The following ZC3H12B variants were observed in gnomAD, a reference collection of about 807,000 sequenced individuals.
ZC3H12B encodes the protein probable ribonuclease ZC3H12B.
A neutral mutation model predicts 43.9 loss-of-function variants in ZC3H12B; 7 were observed. That is an observed-to-expected ratio of 0.16 (90% CI 0.09 to 0.30). The LOEUF is 0.30. Among genes scored for constraint, ZC3H12B ranks in the 10% least tolerant of loss-of-function variants. The probability of loss-of-function intolerance (pLI) is 1.00; values close to 1 mark genes in which losing one functional copy is unlikely to be tolerated. For synonymous variants in ZC3H12B, 222 were observed against 241.7 expected (o/e 0.92, Z 0.76); for missense variants, 475 against 670.2 (o/e 0.71, Z 3.22).
the ZC3H12B span, among the ~76,000 whole-genome samples, chrX:65,036,947 A>C: frequency 9.1e-6 from 1 of 110,172 alleles, no homozygotes; most frequent in Non-Finnish European, 1.9e-5. Context: ...TTATTTTGCA[A>C]ATGCTATCAA....
chrX:65,114,010 T>C, the ZC3H12B span, among the ~76,000 whole-genome samples: 1 of 84,065 alleles, frequency 1.2e-5, no homozygotes, highest in East Asian at 5.0e-4. Context: ...TATATATATA[T>C]ATATATATAT....
the ZC3H12B span, among the ~76,000 whole-genome samples, chrX:65,102,514 G>C: frequency 8.9e-6 from 1 of 111,810 alleles, no homozygotes; most frequent in Non-Finnish European, 1.9e-5. Flanking sequence ...TACTCCTTAA[G>C]CAGATAAGCA....
chrX:65,283,701 C>G, the ZC3H12B span, among the ~76,000 whole-genome samples: 1 of 111,593 alleles, frequency 9.0e-6, no homozygotes, highest in Non-Finnish European at 1.9e-5. Context: ...CACACCCTTT[C>G]TGACACAGAA....
chrX:65,279,473 G>T, the ZC3H12B span, among the ~76,000 whole-genome samples: 4 of 111,023 alleles, frequency 3.6e-5, no homozygotes, highest in East Asian at 1.1e-3. Flanking sequence ...ATTGGGAAAA[G>T]ACTCTCTATT....
the ZC3H12B span, among the ~76,000 whole-genome samples, chrX:65,077,545 C>T: frequency 8.9e-6 from 1 of 111,783 alleles, no homozygotes; most frequent in Non-Finnish European, 1.9e-5. Context: ...GATCAGCTCA[C>T]CTGTTGATGA....
At chrX:65,232,399 A>G in the ZC3H12B span, among the ~76,000 whole-genome samples, 3 of 111,583 alleles carry the variant, frequency 2.7e-5, no homozygotes, top group African/African-American at 9.8e-5. Flanking sequence ...TTCCCGCAAC[A>G]TGCAATATAA....
At chrX:65,211,039 G>T in the ZC3H12B span, among the ~76,000 whole-genome samples, 1 of 66,667 alleles carries the variant, frequency 1.5e-5, no homozygotes, top group East Asian at 4.4e-4. Context: ...CCTGCACAAT[G>T]TGCACATGTA....
chrX:65,127,219 C>T, the ZC3H12B span, among the ~76,000 whole-genome samples: 153 of 111,856 alleles, frequency 1.4e-3, 1 homozygote, highest in African/African-American at 4.9e-3. Context: ...TCTCCCCCTT[C>T]CCCTAGGAAA....
chrX:65,327,450 G>T, the ZC3H12B span, among the ~76,000 whole-genome samples: 1 of 110,980 alleles, frequency 9.0e-6, no homozygotes, highest in Non-Finnish European at 1.9e-5. Flanking sequence ...ATTTGCATTA[G>T]ACACAAATAC....
At chrX:65,204,785 A>G in the ZC3H12B span, among the ~76,000 whole-genome samples, 1 of 112,268 alleles carries the variant, frequency 8.9e-6, no homozygotes, top group African/African-American at 3.2e-5. Flanking sequence ...TTTTGGAAAT[A>G]ACTCTTTTCT....
At chrX:65,378,201 TCC>T (rs903916633) in intron 2 of ZC3H12B, among the ~76,000 whole-genome samples, 1 of 111,547 alleles carries the variant, frequency 9.0e-6, no homozygotes, top group Non-Finnish European at 1.9e-5. Flanking sequence ...CTTGTAAACT[TCC>T]CCATCTTAAA....
At chrX:65,287,854 A>G in the ZC3H12B span, among the ~76,000 whole-genome samples, 1 of 110,119 alleles carries the variant, frequency 9.1e-6, no homozygotes, top group Admixed American at 9.7e-5. Flanking sequence ...AATGAAGCAA[A>G]GAGTTGGTTC....
At chrX:65,355,451 G>A in the ZC3H12B span, among the ~76,000 whole-genome samples, 1 of 111,270 alleles carries the variant, frequency 9.0e-6, no homozygotes, top group Non-Finnish European at 1.9e-5. Flanking sequence ...AAAGCATTGA[G>A]TTCAAAGCAG....
chrX:65,081,229 T>A, the ZC3H12B span, among the ~76,000 whole-genome samples: 1 of 110,424 alleles, frequency 9.1e-6, no homozygotes, highest in African/African-American at 3.3e-5. Context: ...AAAGGGAAGA[T>A]CACAGAACAA....
chrX:65,327,273 A>T, the ZC3H12B span, among the ~76,000 whole-genome samples: 10 of 111,428 alleles, frequency 9.0e-5, no homozygotes, highest in Non-Finnish European at 1.5e-4. Context: ...ATATACATAG[A>T]TCTATATCTG....
the ZC3H12B span, among the ~76,000 whole-genome samples, chrX:65,290,519 G>A: frequency 9.0e-6 from 1 of 111,078 alleles, no homozygotes; most frequent in African/African-American, 3.3e-5. Context: ...TCTACCCAAA[G>A]GAAAAGATAT....
intron 2 of ZC3H12B, among the ~76,000 whole-genome samples, chrX:65,390,355 G>GT (rs1229521549): frequency 2.7e-5 from 3 of 110,758 alleles, no homozygotes; most frequent in Non-Finnish European, 3.8e-5. Flanking sequence ...GTATACATAT[G>GT]TAACAAACCT....
the ZC3H12B span, among the ~76,000 whole-genome samples, chrX:65,100,688 C>T: frequency 9.7e-6 from 1 of 102,806 alleles, no homozygotes; most frequent in East Asian, 3.2e-4. Context: ...ATCAATGCAA[C>T]AAGAAGAGCT....
chrX:65,231,853 A>C, the ZC3H12B span, among the ~76,000 whole-genome samples: 1 of 111,818 alleles, frequency 8.9e-6, no homozygotes, highest in African/African-American at 3.3e-5. Context: ...CATGTTTTAC[A>C]AAAAATTTGT....
Sources: allele counts gnomAD v4.1 joint callset (sites outside exome capture counted in the v4.1 genomes callset), GRCh38; gene constraint gnomAD v4.1.1; transcripts MANE v1.5; gene names NCBI Gene and HGNC (gene_info 2026-07-23, HGNC 2026-07-21).